The following FMR1NB variants were observed in gnomAD, a reference collection of about 807,000 sequenced individuals.
FMR1NB encodes FMR1 neighbor, also known as FMR1 neighbor protein.
In FMR1NB, 10 loss-of-function variants were observed where a neutral mutation model predicts 16.8. That is an observed-to-expected ratio of 0.60 (90% confidence interval 0.37 to 1.01). The LOEUF (loss-of-function observed/expected upper bound fraction) is 1.01. Ranked by LOEUF, FMR1NB falls within the 50% of genes least tolerant of loss-of-function variation. The probability of loss-of-function intolerance (pLI) is 0.01; values close to 1 mark genes in which losing one functional copy is unlikely to be tolerated. For synonymous variants in FMR1NB, 83 were observed against 79.1 expected (o/e 1.05, Z -0.26); for missense variants, 205 against 204.8 (o/e 1.00, Z 0.00).
In FMR1NB at chrX:148,017,722, A is replaced by T. The variant is rs868941625; in HGVS notation, c.633-7143A>T. ...ACCCCACCACAGTCCCCAGAGTGTG[A>T]TATTCCCCTTCCTGTGTCCATGTGA... On this transcript the variant is annotated intron_variant, in intron 4 of 5. Transcript: ENST00000370467. 6.4e-4 allele frequency among the ~76,000 whole-genome samples: 45 copies of T among 70,491 alleles called. 1 individual carries two copies. The highest frequency in any genetic ancestry group is 2.6e-3 in the African/African-American group (44 of 17,121). 61.2% of individuals were successfully genotyped at this position (70,491 alleles called of 115,157 possible).
chrX:147,997,847 GA>G (rs1198594077), intron 1 of FMR1NB, among the ~76,000 whole-genome samples: 1 of 111,458 alleles, frequency 9.0e-6, no homozygotes, highest in African/African-American at 3.3e-5. Flanking sequence ...AAAAACATAT[GA>G]AAAAAAACTC....
intron 1 of FMR1NB, among the ~76,000 whole-genome samples, chrX:147,982,302 A>C (rs1324164319): frequency 4.5e-5 from 1 of 22,370 alleles, no homozygotes; most frequent in African/African-American, 2.0e-4. Context: ...AGAAAAAAAA[A>C]AAAGGACTGG....
chrX:148,012,550 A>T (rs1425737323), intron 4 of FMR1NB, among the ~76,000 whole-genome samples: 3 of 110,016 alleles, frequency 2.7e-5, no homozygotes, highest in Non-Finnish European at 5.7e-5. Context: ...TAAAATGTCT[A>T]TTTTTTTTTG....
At chrX:147,996,589 TG>T (rs1198334450) in intron 1 of FMR1NB, among the ~76,000 whole-genome samples, 10 of 98,198 alleles carry the variant, frequency 1.0e-4, no homozygotes, top group South Asian at 5.6e-4. Flanking sequence ...ACAGCGGGGA[TG>T]GGGGGGGCGG....
Position 148,006,871 on chromosome X carries a change from AT to A in FMR1NB, c.538+35del, listed in dbSNP as rs782811896. 11 of 1,162,841 alleles carry A rather than the reference AT, an allele frequency of 9.5e-6. No individual in the cohort carries two copies. The Admixed American group carries it at 1.2e-4, about 12-fold the overall frequency. ...AGTTATTCCTCTTTCATTTATTTCTATTTTTTAATATTAAATAAACAGATCG... is the reference window on the plus strand; with the variant it reads ...AGTTATTCCTCTTTCATTTATTTCTATTTTTAATATTAAATAAACAGATCG... On this transcript the variant is annotated intron_variant, in intron 3 of 5. Transcript: ENST00000370467.
At chrX:147,999,173 C>CT (rs1479811332) in intron 1 of FMR1NB, among the ~76,000 whole-genome samples, 3 of 111,515 alleles carry the variant, frequency 2.7e-5, no homozygotes, top group Non-Finnish European at 3.8e-5. Context: ...GTTGGGGACT[C>CT]TAAGTTGGGG....
intron 4 of FMR1NB, among the ~76,000 whole-genome samples, chrX:148,012,910 A>G (rs1337390905): frequency 6.2e-5 from 7 of 112,317 alleles, no homozygotes; most frequent in African/African-American, 2.3e-4. Flanking sequence ...AGCTTTATGC[A>G]GTAATTAGCG....
At chrX:148,013,053 G>A (rs782610526) in intron 4 of FMR1NB, among the ~76,000 whole-genome samples, 4 of 111,559 alleles carry the variant, frequency 3.6e-5, no homozygotes, top group Non-Finnish European at 7.5e-5. Flanking sequence ...GAGAATGTGA[G>A]CAAACTGGAA....
At position 148,008,834 on chromosome X, in the gene FMR1NB, A is replaced by G. The variant is rs1213740476; in HGVS notation, c.632+123A>G. 6.6e-6 allele frequency: 4 copies of G among 607,214 alleles called. No individual in the cohort carries two copies. The African/African-American group carries it at 6.8e-5, about 10-fold the overall frequency. 50.0% of individuals were successfully genotyped at this position (607,214 alleles called of 1,213,427 possible). On this transcript the variant is annotated intron_variant, in intron 4 of 5. Coordinates refer to ENST00000370467, the MANE Select transcript of FMR1NB (RefSeq NM_152578.3). ...TGTTTGGGTTCTTTATGTTGAAAAT[A>G]TGGTAGCTTGGGAAAGACCTAAAAC...
chrX:147,987,829 A>T (rs1020174197), intron 1 of FMR1NB, among the ~76,000 whole-genome samples: 2 of 110,016 alleles, frequency 1.8e-5, no homozygotes, highest in African/African-American at 3.3e-5. Context: ...TTGTTTTATC[A>T]GAGACTAGGA....
intron 4 of FMR1NB, among the ~76,000 whole-genome samples, chrX:148,008,985 G>A (rs1199700208): frequency 9.1e-6 from 1 of 109,872 alleles, no homozygotes; most frequent in African/African-American, 3.3e-5. Context: ...TTCGAGACCA[G>A]TCTGACCAAC....
intron 4 of FMR1NB, among the ~76,000 whole-genome samples, chrX:148,021,153 T>A (rs1481396260): frequency 9.0e-6 from 1 of 111,698 alleles, no homozygotes; most frequent in East Asian, 2.8e-4. Flanking sequence ...CAGCCTGGTT[T>A]TGCTTTCTGC....
chrX:148,006,914 T>C (rs2044599687), intron 3 of FMR1NB, 72 bp downstream of exon 3: 1 of 1,065,842 alleles, frequency 9.4e-7, no homozygotes, highest in African/African-American at 1.9e-5. Context: ...CATAAGTTCA[T>C]ATTTGGATTT....
chrX:148,017,801 G>T lies in FMR1NB; in HGVS notation c.633-7064G>T, dbSNP rs1191316465. Among the ~76,000 whole-genome samples the T allele has an allele frequency of 4.9e-5, 5 of 101,521 alleles. No individual in the cohort carries two copies. In the East Asian group the frequency reaches 1.6e-3, roughly 32 times the overall value. The allele number at this position is 101,521 out of a possible 115,157, so 88.2% of individuals were successfully genotyped here. On this transcript the variant is annotated intron_variant, in intron 4 of 5. Coordinates refer to ENST00000370467, the MANE Select transcript of FMR1NB (RefSeq NM_152578.3). ...GAGAATATGCGGTGTTTGGTTTTTTGTTCTTGCGATAGTTTACTGAGAATG... is the reference window on the plus strand; with the variant it reads ...GAGAATATGCGGTGTTTGGTTTTTTTTTCTTGCGATAGTTTACTGAGAATG...
intron 2 of FMR1NB, among the ~76,000 whole-genome samples, chrX:148,004,927 G>A (rs782330621): frequency 3.6e-4 from 41 of 112,594 alleles, no homozygotes; most frequent in Non-Finnish European, 6.0e-4. Flanking sequence ...GTCTCGCTCT[G>A]TTGCCAGGCT....
At chrX:148,025,958 A>G (rs990149722) in intron 5 of FMR1NB, 32 of 111,340 alleles carry the variant, frequency 2.9e-4, no homozygotes, top group African/African-American at 9.8e-4. Context: ...CATTTCACCA[A>G]TCTTCAGAAT....
At chrX:147,985,567 T>C (rs1396549189) in intron 1 of FMR1NB, among the ~76,000 whole-genome samples, 4 of 110,921 alleles carry the variant, frequency 3.6e-5, no homozygotes, top group Non-Finnish European at 5.7e-5. Flanking sequence ...GAACATGCGG[T>C]GTTTAGTTTT....
At chrX:148,002,834 A>T (rs1450543678) in intron 1 of FMR1NB, among the ~76,000 whole-genome samples, 1 of 112,127 alleles carries the variant, frequency 8.9e-6, no homozygotes, top group Non-Finnish European at 1.9e-5. Flanking sequence ...ATGTAAGCCA[A>T]CATATTTTCC....
chrX:148,004,208 C>T lies in FMR1NB; in HGVS notation c.397+888C>T, dbSNP rs558420860. Among the ~76,000 whole-genome samples the T allele has an allele frequency of 1.1e-3, 128 of 111,996 alleles. 2 individuals are homozygous for T. The South Asian group carries it at 0.044, about 38-fold the overall frequency. ...GAGTAAATAAAAAAGAAATCTGAGA[C>T]GGTGTTATGTCGTATAGGCTGAAAG... On this transcript the variant is annotated intron_variant, in intron 2 of 5. Coordinates refer to ENST00000370467, the MANE Select transcript of FMR1NB (RefSeq NM_152578.3).
Sources: allele counts gnomAD v4.1 joint callset (sites outside exome capture counted in the v4.1 genomes callset), GRCh38; gene constraint gnomAD v4.1.1; transcripts MANE v1.5; gene names NCBI Gene and HGNC (gene_info 2026-07-23, HGNC 2026-07-21).